The following GKAP1 variants were observed in gnomAD, a reference collection of about 807,000 sequenced individuals.
The protein encoded by GKAP1 is G kinase anchoring protein 1.
In GKAP1, 31 loss-of-function variants were observed where a neutral mutation model predicts 56.7. The observed-to-expected ratio is 0.55, with a 90% CI of 0.41 to 0.74. GKAP1 has a LOEUF of 0.74. Among genes scored for constraint, GKAP1 ranks in the 30% least tolerant of loss-of-function variants. The pLI is 0.00. For missense variants in GKAP1, 364 were observed against 402.3 expected, an observed-to-expected ratio of 0.90 and a Z score of 0.82; for synonymous variants, 151 against 138.6, an observed-to-expected ratio of 1.09 and a Z score of -0.63.
At chr9:83,741,362 A>T (rs60574002) in intron 12 of GKAP1, among the ~76,000 whole-genome samples, 4,065 of 36,414 alleles carry the variant, frequency 0.11, 166 homozygotes, top group African/African-American at 0.19. Flanking sequence ...TATATCTCTC[A>T]CACACACACA....
At chr9:83,778,761 T>C (rs1183472806) in intron 7 of GKAP1, among the ~76,000 whole-genome samples, 1 of 151,602 alleles carries the variant, frequency 6.6e-6, no homozygotes. Flanking sequence ...AAATTCTTAA[T>C]ATAGTTGTAA....
chr9:83,799,534 A>G (rs1474068769), intron 3 of GKAP1, among the ~76,000 whole-genome samples: 5 of 152,382 alleles, frequency 3.3e-5, no homozygotes, highest in African/African-American at 1.2e-4. Flanking sequence ...TAATGTTGGT[A>G]GATCTATATA....
chr9:83,739,711 C>G lies in GKAP1; in HGVS notation c.1087G>C (p.Asp363His), dbSNP rs554092166. Residue 363 changes from aspartate to histidine, a missense_variant, in exon 13 of 13, where the codon GAC becomes CAC. Asp to His is a moderately conservative substitution (Grantham distance 81). Coordinates refer to ENST00000376371, the MANE Select transcript of GKAP1 (RefSeq NM_025211.4). ...GRKGKRNSES[D>H]QCR The stretch of plus-strand genomic sequence containing the variant: ...GGCTAATGTAATCACCTACACTGGT[C>G]GGATTCAGAGTTTCTTTTCCCTTTT... 2 of 1,607,904 alleles carry G rather than the reference C, an allele frequency of 1.2e-6. No homozygotes were observed. Among genetic ancestry groups the G allele is most frequent in the Non-Finnish European group, 1.7e-6 (2 of 1,177,784 alleles).
chr9:83,811,599 T>C (rs1372652514), intron 2 of GKAP1, among the ~76,000 whole-genome samples: 1 of 152,194 alleles, frequency 6.6e-6, no homozygotes, highest in Admixed American at 6.5e-5. Flanking sequence ...ACCTGTGCTA[T>C]GTCACATCAG....
chr9:83,813,438 T>G (rs1396025541), intron 2 of GKAP1, among the ~76,000 whole-genome samples: 17 of 152,176 alleles, frequency 1.1e-4, no homozygotes, highest in Non-Finnish European at 4.4e-5. Flanking sequence ...TTTCCCCTCC[T>G]CCCTTTGAGT....
chr9:83,794,199 A>G (rs1944207441), intron 4 of GKAP1, among the ~76,000 whole-genome samples: 1 of 152,130 alleles, frequency 6.6e-6, no homozygotes, highest in African/African-American at 2.4e-5. Flanking sequence ...AAAGAGAGAG[A>G]AAGAAACTTG....
intron 8 of GKAP1, among the ~76,000 whole-genome samples, chr9:83,768,152 T>C (rs977798088): frequency 2.6e-5 from 4 of 152,202 alleles, no homozygotes; most frequent in Admixed American, 1.3e-4. Context: ...ATTTATGACA[T>C]AAATCTAATC....
chr9:83,756,470 C>CAAAAAAAAAAAAAAAAAAA (rs142896755), intron 8 of GKAP1, among the ~76,000 whole-genome samples: 3 of 75,440 alleles, frequency 4.0e-5, no homozygotes, highest in South Asian at 5.2e-4. Context: ...GACTCCATCT[C>CAAAAAAAAAAAAAAAAAAA]AAAAAAAAAA....
At chr9:83,744,065 T>G (rs561429407) in intron 10 of GKAP1, among the ~76,000 whole-genome samples, 19 of 152,306 alleles carry the variant, frequency 1.2e-4, no homozygotes, top group African/African-American at 4.6e-4. Flanking sequence ...TTTAATATGA[T>G]AAGATGAAAC....
rs572491535 is a variant in GKAP1 at position 83,797,640 on chromosome 9, C to G, written c.360+1545G>C. Among the ~76,000 whole-genome samples the G allele has an allele frequency of 2.0e-5, 3 of 152,208 alleles. No homozygotes were observed. The East Asian group carries it at 5.8e-4, about 29-fold the overall frequency. On this transcript the variant is annotated intron_variant, in intron 4 of 12. Coordinates refer to ENST00000376371, the MANE Select transcript of GKAP1 (RefSeq NM_025211.4). ...TTCGTCAAAGTTCCTGGGCCTTCAA[C>G]GGCATCCTTATATAGGATCAGGGCC...
chr9:83,741,999 C>A lies in GKAP1; in HGVS notation c.1006G>T (p.Glu336Ter). The change falls in exon 12 of 13, where the codon GAA becomes TAA. Residue 336 changes from glutamate (E) to a stop codon, truncating the protein, a stop_gained. Transcript: ENST00000376371. LOFTEE classifies it high-confidence loss of function. ...VTSLHAALEQ[E>*]RSKVKVLQAE... ...TGTAATACTTTCACTTTAGATCTTT[C>A]TTGTTCTAATGCAGCATGAAGTGAA... The A allele has an allele frequency of 6.3e-7, 1 of 1,592,346 alleles. No homozygotes were observed. The highest frequency in any genetic ancestry group is 8.5e-7 in the Non-Finnish European group (1 of 1,173,132).
chr9:83,816,878 A>C (rs1296339379), intron 2 of GKAP1, 118 bp downstream of exon 2: 5 of 152,316 alleles, frequency 3.3e-5, no homozygotes, highest in South Asian at 2.1e-4. Context: ...CCTTAATGCT[A>C]GAGATCTGAC....
At position 83,780,411 on chromosome 9, in the gene GKAP1, AT is replaced by A; in HGVS notation, c.563-8del. On this transcript the variant is annotated splice_polypyrimidine_tract_variant and splice_region_variant and intron_variant, in intron 6 of 12. Transcript: ENST00000376371. ...GTCTTTTTACTAATGTGATCTGTAA[AT>A]GAAAAAGAAACAAAGATGAAACTTT... 7.7e-7 allele frequency: 1 copy of A among 1,300,760 alleles called. No homozygotes were observed. The highest frequency in any genetic ancestry group is 2.7e-5 in the East Asian group (1 of 37,292). 80.6% of individuals were successfully genotyped at this position (1,300,760 alleles called of 1,614,324 possible).
intron 12 of GKAP1, among the ~76,000 whole-genome samples, 156 bp downstream of exon 12, chr9:83,741,796 T>G (rs938526186): frequency 6.6e-6 from 1 of 152,172 alleles, no homozygotes; most frequent in Non-Finnish European, 1.5e-5. Context: ...GAATAACATC[T>G]TCTACATTGT....
At chr9:83,764,844 T>C (rs1371312098) in intron 8 of GKAP1, among the ~76,000 whole-genome samples, 1 of 152,196 alleles carries the variant, frequency 6.6e-6, no homozygotes, top group African/African-American at 2.4e-5. Flanking sequence ...GAAAGAAATT[T>C]CTAAGCAGCA....
intron 8 of GKAP1, among the ~76,000 whole-genome samples, chr9:83,757,621 T>C (rs1334752499): frequency 1.3e-5 from 2 of 152,126 alleles, no homozygotes; most frequent in Non-Finnish European, 2.9e-5. Context: ...CAGCATGGCA[T>C]GATGGCAGTA....
rs1351955469 is a variant in GKAP1, at chr9:83,804,096, G to T, written c.216+2206C>A. Among the ~76,000 whole-genome samples the T allele has an allele frequency of 4.0e-5, 6 of 148,758 alleles. No individual in the cohort carries two copies. The East Asian group carries it at 1.0e-3, about 25-fold the overall frequency. ...GGGAAGTGAGGAGCGTCTCCGCCCG[G>T]CAGCCGCCCCGTCCGGGAGGGAGGT... On this transcript the variant is annotated intron_variant, in intron 3 of 12. Transcript: ENST00000376371.
intron 3 of GKAP1, among the ~76,000 whole-genome samples, chr9:83,802,666 A>C (rs537867403): frequency 6.6e-6 from 1 of 151,628 alleles, no homozygotes; most frequent in Non-Finnish European, 1.5e-5. Flanking sequence ...CTGTCTCTAC[A>C]AAAAAACAAA....
chr9:83,790,477 C>T (rs1165919730), intron 4 of GKAP1, among the ~76,000 whole-genome samples: 1 of 152,038 alleles, frequency 6.6e-6, no homozygotes, highest in African/African-American at 2.4e-5. Context: ...CAGTAATCAT[C>T]CTAACAGAAA....
Sources: gnomAD v4.1 joint callset for allele counts (sites outside exome capture counted in the v4.1 genomes callset) on GRCh38, gnomAD v4.1.1 for gene constraint, MANE v1.5 for transcripts, NCBI Gene and HGNC (gene_info 2026-07-23, HGNC 2026-07-21) for gene names.